SLC24A2: variants seen among roughly 807,000 people sequenced by gnomAD.
SLC24A2 encodes solute carrier family 24 member 2.
In SLC24A2, 36 loss-of-function variants were observed where a neutral mutation model predicts 62.0. The ratio of observed to expected loss-of-function variants is 0.58; its 90% CI spans 0.44 to 0.77. The LOEUF (loss-of-function observed/expected upper bound fraction) is 0.77. Among genes scored for constraint, SLC24A2 ranks in the 30% least tolerant of loss-of-function variants. The pLI, the probability that SLC24A2 is intolerant of heterozygous loss-of-function variation, is 0.00. For synonymous variants in SLC24A2, 358 were observed against 294.0 expected (o/e 1.22, Z -2.23); for missense variants, 846 against 817.9 (o/e 1.03, Z -0.42).
the SLC24A2 span, among the ~76,000 whole-genome samples, chr9:20,104,295 C>A: frequency 6.6e-5 from 10 of 152,146 alleles, no homozygotes; most frequent in South Asian, 2.1e-4. Context: ...ATCCAGGAGA[C>A]CTTTCCCAAT....
chr9:19,812,496 G>C, the SLC24A2 span, among the ~76,000 whole-genome samples: 2 of 151,842 alleles, frequency 1.3e-5, no homozygotes, highest in African/African-American at 4.8e-5. Flanking sequence ...ATGTTTTTTA[G>C]TCCTAGAACT....
the SLC24A2 span, among the ~76,000 whole-genome samples, chr9:19,870,809 G>C: frequency 6.6e-6 from 1 of 151,976 alleles, no homozygotes; most frequent in Admixed American, 6.6e-5. Flanking sequence ...ATCTACTTTG[G>C]AGAAATGTCT....
chr9:19,687,141 G>T (rs1054160091), intron 2 of SLC24A2, among the ~76,000 whole-genome samples: 3 of 152,044 alleles, frequency 2.0e-5, no homozygotes, highest in African/African-American at 7.2e-5. Context: ...GGTGGAGAAT[G>T]AGAGGAGGGT....
chr9:19,791,949 A>G (rs1823324648), upstream of SLC24A2, among the ~76,000 whole-genome samples: 1 of 152,218 alleles, frequency 6.6e-6, no homozygotes, highest in Non-Finnish European at 1.5e-5. Context: ...TATAGGAGTA[A>G]TTGGTATTAC....
chr9:19,844,736 G>A, the SLC24A2 span, among the ~76,000 whole-genome samples: 1 of 152,066 alleles, frequency 6.6e-6, no homozygotes, highest in African/African-American at 2.4e-5. Flanking sequence ...TTCTGCGTAA[G>A]GCTAACCAGC....
At position 19,598,988 on chromosome 9, in the gene SLC24A2, G is replaced by C. The variant is rs531157538; in HGVS notation, c.1079-1709C>G. Among the ~76,000 whole-genome samples, 10 of 152,176 alleles carry C rather than the reference G, an allele frequency of 6.6e-5. No homozygotes were observed. In the South Asian group the frequency reaches 2.1e-3, roughly 32 times the overall value. Reference sequence around the variant, plus strand: ...CAGCAAACAGAATATGAGTGGCTCTGTGTTTGCAAAGTTGGATGTAAACTA... The same window carrying C: ...CAGCAAACAGAATATGAGTGGCTCTCTGTTTGCAAAGTTGGATGTAAACTA... On this transcript the variant is annotated intron_variant, in intron 4 of 10. Transcript: ENST00000341998.
the SLC24A2 span, among the ~76,000 whole-genome samples, chr9:20,097,300 T>C: frequency 2.0e-5 from 3 of 152,192 alleles, no homozygotes; most frequent in East Asian, 3.8e-4. Flanking sequence ...TTGAGGTGAA[T>C]TCTGAGTAAC....
chr9:19,575,064 C>T (rs752377553), intron 6 of SLC24A2, among the ~76,000 whole-genome samples: 7 of 151,884 alleles, frequency 4.6e-5, no homozygotes, highest in Non-Finnish European at 8.8e-5. Context: ...TTTGAAGCAG[C>T]CAAATTTTGG....
intron 2 of SLC24A2, among the ~76,000 whole-genome samples, chr9:19,716,929 G>A (rs1208885833): frequency 6.6e-6 from 1 of 152,148 alleles, no homozygotes; most frequent in Non-Finnish European, 1.5e-5. Flanking sequence ...TATGCTCAAA[G>A]GCTGGGTAAA....
chr9:19,639,302 G>A (rs1026515317), intron 2 of SLC24A2, among the ~76,000 whole-genome samples: 2 of 152,176 alleles, frequency 1.3e-5, no homozygotes, highest in African/African-American at 4.8e-5. Context: ...CTTTTGCAAT[G>A]GTGACTTTTC....
the SLC24A2 span, among the ~76,000 whole-genome samples, chr9:20,021,569 C>T: frequency 6.6e-6 from 1 of 151,836 alleles, no homozygotes; most frequent in African/African-American, 2.4e-5. Flanking sequence ...GATGAGGCAA[C>T]GTAGGTTCAA....
At chr9:19,983,199 G>A in the SLC24A2 span, among the ~76,000 whole-genome samples, 1 of 152,176 alleles carries the variant, frequency 6.6e-6, no homozygotes, top group Non-Finnish European at 1.5e-5. Context: ...CATCCAAACT[G>A]GAATGAAAGA....
chr9:19,873,267 C>A, the SLC24A2 span, among the ~76,000 whole-genome samples: 1 of 150,082 alleles, frequency 6.7e-6, no homozygotes, highest in African/African-American at 2.4e-5. Context: ...CTTTTTCTTT[C>A]TTTTCTCTCT....
rs112394974 is a variant in SLC24A2, at chr9:19,620,221, C to A, written c.970-529G>T. 4.5e-3 allele frequency among the ~76,000 whole-genome samples: 678 copies of A among 152,290 alleles called. 9 individuals are homozygous for A. Among genetic ancestry groups the A allele is most frequent in the African/African-American group, 0.015 (625 of 41,550 alleles). On this transcript the variant is annotated intron_variant, in intron 3 of 10. Coordinates refer to ENST00000341998, the MANE Select transcript of SLC24A2 (RefSeq NM_020344.4). ...AAATAGGCATCTATGCCCATATCTG[C>A]ATAGATACACATACTAAAATATGAA...
At chr9:19,656,510 G>C (rs1051140212) in intron 2 of SLC24A2, among the ~76,000 whole-genome samples, 1 of 152,000 alleles carries the variant, frequency 6.6e-6, no homozygotes, top group African/African-American at 2.4e-5. Flanking sequence ...ATTATTTCTT[G>C]ATCCCAAATA....
the SLC24A2 span, among the ~76,000 whole-genome samples, chr9:20,153,803 T>A: frequency 1.3e-5 from 2 of 152,020 alleles, no homozygotes; most frequent in African/African-American, 4.8e-5. Context: ...CTGCATTGTT[T>A]TGGAATATAG....
chr9:19,781,109 A>T (rs1007838554), intron 2 of SLC24A2, among the ~76,000 whole-genome samples: 1 of 152,346 alleles, frequency 6.6e-6, no homozygotes, highest in East Asian at 1.9e-4. Context: ...AAACTGAATT[A>T]AATAAACTGC....
chr9:20,123,055 G>A, the SLC24A2 span, among the ~76,000 whole-genome samples: 1 of 152,082 alleles, frequency 6.6e-6, no homozygotes, highest in Non-Finnish European at 1.5e-5. Flanking sequence ...GCTTATAATA[G>A]ACTAGATGGC....
At chr9:20,202,700 G>A in the SLC24A2 span, among the ~76,000 whole-genome samples, 1 of 152,156 alleles carries the variant, frequency 6.6e-6, no homozygotes, top group Non-Finnish European at 1.5e-5. Context: ...AAGAAGAGGG[G>A]AGAAAGGCAA....
Sources: gnomAD v4.1 joint callset for allele counts (sites outside exome capture counted in the v4.1 genomes callset) on GRCh38, gnomAD v4.1.1 for gene constraint, MANE v1.5 for transcripts, NCBI Gene and HGNC (gene_info 2026-07-23, HGNC 2026-07-21) for gene names.